NRG2: variants seen among roughly 807,000 people sequenced by gnomAD.
NRG2 encodes the protein neuregulin 2, also known as pro-neuregulin-2, membrane-bound isoform.
In NRG2, 27 loss-of-function variants were observed where a neutral mutation model predicts 73.9. The observed-to-expected ratio is 0.37, with a 90% confidence interval of 0.27 to 0.50. The LOEUF is 0.50. Ranked by LOEUF, NRG2 falls within the 20% of genes least tolerant of loss-of-function variation. The pLI is 0.96. For synonymous variants in NRG2, 532 were observed against 541.0 expected, an observed-to-expected ratio of 0.98 and a Z score of 0.23; for missense variants, 1,126 against 1,210.1, an observed-to-expected ratio of 0.93 and a Z score of 1.03.
chr5:139,940,530 A>G (rs1352482476), intron 1 of NRG2, among the ~76,000 whole-genome samples: 2 of 152,178 alleles, frequency 1.3e-5, no homozygotes, highest in African/African-American at 2.4e-5. Flanking sequence ...GGTGAAATTT[A>G]TTGTCTTAAT....
intron 1 of NRG2, among the ~76,000 whole-genome samples, chr5:139,991,612 G>C (rs903675189): frequency 1.3e-5 from 2 of 152,114 alleles, no homozygotes; most frequent in Non-Finnish European, 2.9e-5. Flanking sequence ...GGCCAGGCTA[G>C]TCTCAAACTC....
Position 139,894,491 on chromosome 5 carries a change from T to C in NRG2, c.701-6980A>G, listed in dbSNP as rs1331471115. 2.0e-5 allele frequency among the ~76,000 whole-genome samples: 3 copies of C among 148,746 alleles called. No individual in the cohort carries two copies. Among genetic ancestry groups the C allele is most frequent in the Non-Finnish European group, 3.0e-5 (2 of 67,412 alleles). ...AAACCCACTAAGCTAAAAACACAGC[T>C]GGTTTAAGTAGGCACAGACGGCCTA... On this transcript the variant is annotated intron_variant, in intron 1 of 9. Transcript: ENST00000361474. The surrounding 1 kb of genome is among the most constrained non-coding windows in gnomAD (Gnocchi z 5.0).
chr5:140,023,027 C>T (rs924425973), intron 1 of NRG2, among the ~76,000 whole-genome samples: 18 of 152,238 alleles, frequency 1.2e-4, no homozygotes, highest in Non-Finnish European at 2.1e-4. Flanking sequence ...GTTTCCCTGG[C>T]TTCTAGGACT....
At position 139,847,208 on chromosome 5, in the gene NRG2, AGCC is replaced by A. The variant is rs1332381899; in HGVS notation, c.*706_*708del. On this transcript the variant is annotated 3_prime_UTR_variant, in exon 10 of 10. Transcript: ENST00000361474. ...CGTCCTGGAGGCTGTGGGGGACAGG[AGCC>A]GCCAACATTGGGCCCCTGGCAGAGC... 2 of 152,276 alleles carry A rather than the reference AGCC, an allele frequency of 1.3e-5. No homozygotes were observed. The highest frequency in any genetic ancestry group is 4.8e-5 in the African/African-American group (2 of 41,528). 9.4% of individuals were successfully genotyped at this position (152,276 alleles called of 1,614,324 possible).
chr5:139,985,168 C>T (rs1757076993), intron 1 of NRG2, among the ~76,000 whole-genome samples: 1 of 151,834 alleles, frequency 6.6e-6, no homozygotes, highest in South Asian at 2.1e-4. Flanking sequence ...TGTGAAACCC[C>T]GTCTCTACTA....
At chr5:139,913,520 C>T (rs1455424547) in intron 1 of NRG2, among the ~76,000 whole-genome samples, 2 of 152,240 alleles carry the variant, frequency 1.3e-5, no homozygotes, top group African/African-American at 2.4e-5. Context: ...CCTCTAGACT[C>T]AGGGGCTCCC....
rs149983748 is a variant in NRG2, at chr5:139,943,763, C to T, written c.701-56252G>A. On this transcript the variant is annotated intron_variant, in intron 1 of 9. Transcript: ENST00000361474. Reference sequence around the variant, plus strand: ...CAGTAATAAAAATAAAATGAAATACCACAGTATAGTGATACACATGTCACT... The same window carrying T: ...CAGTAATAAAAATAAAATGAAATACTACAGTATAGTGATACACATGTCACT... Among the ~76,000 whole-genome samples, 466 of 152,082 alleles carry T rather than the reference C, an allele frequency of 3.1e-3. 1 individual carries two copies. Among genetic ancestry groups the T allele is most frequent in the African/African-American group, 8.9e-3 (370 of 41,502 alleles).
At chr5:139,855,248 G>A (rs549632303) in intron 6 of NRG2, among the ~76,000 whole-genome samples, 17 of 152,322 alleles carry the variant, frequency 1.1e-4, no homozygotes, top group African/African-American at 3.8e-4. Flanking sequence ...CCTAGTACCT[G>A]CCCACTTGAC....
chr5:139,871,674 C>T (rs1762861845), intron 4 of NRG2, 47 bp downstream of exon 4: 9 of 1,610,076 alleles, frequency 5.6e-6, no homozygotes, highest in South Asian at 1.1e-5. Context: ...GACCCAGCAT[C>T]TCCTACCCTG....
At chr5:140,039,706 C>G (rs1328287769) in intron 1 of NRG2, among the ~76,000 whole-genome samples, 1 of 152,098 alleles carries the variant, frequency 6.6e-6, no homozygotes, top group Non-Finnish European at 1.5e-5. Flanking sequence ...AAAAAAAAAC[C>G]CACGGGCTTT....
chr5:140,026,323 A>T (rs1760685392), intron 1 of NRG2, among the ~76,000 whole-genome samples: 4 of 152,224 alleles, frequency 2.6e-5, no homozygotes, highest in Admixed American at 2.6e-4. Context: ...GGGGTTGGGA[A>T]GAGATAATTA....
intron 1 of NRG2, among the ~76,000 whole-genome samples, chr5:139,973,610 C>T (rs1756149842): frequency 6.6e-6 from 1 of 152,226 alleles, no homozygotes; most frequent in Admixed American, 6.5e-5. Flanking sequence ...AATCCTCCTG[C>T]CTCTGCCTCC....
At chr5:139,902,219 G>A (rs1023068946) in intron 1 of NRG2, among the ~76,000 whole-genome samples, 4 of 152,234 alleles carry the variant, frequency 2.6e-5, no homozygotes, top group African/African-American at 7.2e-5. Flanking sequence ...GGATGGGGGA[G>A]ACCCAGTTCC....
At position 139,887,324 on chromosome 5, in the gene NRG2, G is replaced by A. The variant is rs200353064; in HGVS notation, c.872+16C>T. The A allele has an allele frequency of 1.2e-5, 19 of 1,613,530 alleles. No individual in the cohort carries two copies. In the East Asian group the frequency reaches 1.6e-4, roughly 13 times the overall value. On this transcript the variant is annotated intron_variant, in intron 2 of 9. Coordinates refer to ENST00000361474, the MANE Select transcript of NRG2 (RefSeq NM_004883.3). This position sits in a 1 kb window ranked among gnomAD's most constrained non-coding sequence, Gnocchi z 4.5. The stretch of plus-strand genomic sequence containing the variant: ...GGGCAGCTGCTTGGATGGAGGACAG[G>A]CTGGATATTGCTTACCTGCCGTTGC...
intron 1 of NRG2, among the ~76,000 whole-genome samples, chr5:139,985,709 G>C (rs992367254): frequency 1.3e-5 from 2 of 152,162 alleles, no homozygotes; most frequent in African/African-American, 4.8e-5. Context: ...AATCTCAGGG[G>C]ACAGCTTGCC....
intron 9 of NRG2, among the ~76,000 whole-genome samples, chr5:139,849,191 G>C (rs1392627858): frequency 6.6e-6 from 1 of 152,204 alleles, no homozygotes; most frequent in African/African-American, 2.4e-5. Context: ...GAACGTTTAA[G>C]TGACTTATTC....
chr5:139,960,751 T>C (rs1483967161), intron 1 of NRG2, among the ~76,000 whole-genome samples: 1 of 152,180 alleles, frequency 6.6e-6, no homozygotes, highest in Non-Finnish European at 1.5e-5. Context: ...GAAGAAAGAA[T>C]AAACAGGTAG....
chr5:139,924,798 G>A (rs1296868026), intron 1 of NRG2, among the ~76,000 whole-genome samples: 4 of 152,188 alleles, frequency 2.6e-5, no homozygotes, highest in South Asian at 2.1e-4. Flanking sequence ...CTCCCTTTCC[G>A]GGGCCTCGCT....
chr5:139,966,467 G>A (rs746004337), intron 1 of NRG2, among the ~76,000 whole-genome samples: 2 of 152,096 alleles, frequency 1.3e-5, no homozygotes, highest in African/African-American at 4.8e-5. Flanking sequence ...CACCATCAGA[G>A]GTAAGATCAG....
Sources: gnomAD v4.1 joint callset for allele counts (sites outside exome capture counted in the v4.1 genomes callset) on GRCh38, gnomAD v4.1.1 for gene constraint, Gnocchi (gnomAD v3.1) non-coding constraint, MANE v1.5 for transcripts, NCBI Gene and HGNC (gene_info 2026-07-23, HGNC 2026-07-21) for gene names.